Variants in PIBF1 observed in about 807,000 individuals in gnomAD.
PIBF1 encodes progesterone immunomodulatory binding factor 1.
A neutral mutation model predicts 112.5 loss-of-function variants in PIBF1; 90 were observed. The observed-to-expected ratio is 0.80, with a 90% CI of 0.67 to 0.95. The LOEUF (loss-of-function observed/expected upper bound fraction) is 0.95, where lower values mean the gene tolerates loss of function less well. Ranked by LOEUF, PIBF1 falls within the 40% of genes least tolerant of loss-of-function variation. The pLI is 0.00. For synonymous variants in PIBF1, 301 were observed against 288.6 expected (o/e 1.04, Z -0.44); for missense variants, 915 against 852.3 (o/e 1.07, Z -0.92).
At chr13:72,794,734 C>A (rs2035105576) in intron 3 of PIBF1, among the ~76,000 whole-genome samples, 2 of 152,182 alleles carry the variant, frequency 1.3e-5, no homozygotes, top group South Asian at 4.1e-4. Flanking sequence ...CCTCCCCTGC[C>A]ATGTGGAAGT....
chr13:72,976,228 A>C (rs897195285), intron 16 of PIBF1, among the ~76,000 whole-genome samples: 1 of 152,062 alleles, frequency 6.6e-6, no homozygotes, highest in Non-Finnish European at 1.5e-5. Context: ...TCACCTGTGA[A>C]TAGCCACTGC....
intron 13 of PIBF1, among the ~76,000 whole-genome samples, chr13:72,922,558 C>G (rs2041335432): frequency 6.6e-6 from 1 of 152,186 alleles, no homozygotes; most frequent in South Asian, 2.1e-4. Context: ...AATGTGGAGA[C>G]TGTTCTGACG....
chr13:72,818,072 A>C (rs1422169170), intron 5 of PIBF1, among the ~76,000 whole-genome samples: 4 of 151,994 alleles, frequency 2.6e-5, no homozygotes, highest in Non-Finnish European at 5.9e-5. Flanking sequence ...ATATATACAT[A>C]TATATACACT....
rs187712737 is a variant in PIBF1, at chr13:72,988,235, G to T, written c.2050-10587G>T. ...TATCTACTTCTTGGTATTTGAGTGTGAATTAAATTATTATGTAAGATACTC... is the reference window on the plus strand; with the variant it reads ...TATCTACTTCTTGGTATTTGAGTGTTAATTAAATTATTATGTAAGATACTC... On this transcript the variant is annotated intron_variant, in intron 16 of 17. Transcript: ENST00000326291. 1.8e-3 allele frequency among the ~76,000 whole-genome samples: 280 copies of T among 152,118 alleles called. 1 individual carries two copies. Among genetic ancestry groups the T allele is most frequent in the African/African-American group, 6.1e-3 (254 of 41,494 alleles).
intron 13 of PIBF1, among the ~76,000 whole-genome samples, chr13:72,929,967 C>A (rs968576282): frequency 2.6e-5 from 4 of 152,018 alleles, no homozygotes; most frequent in Non-Finnish European, 5.9e-5. Flanking sequence ...TCACGTGATC[C>A]CCCCATCTCA....
At chr13:72,882,183 C>T (rs1054095088) in intron 10 of PIBF1, among the ~76,000 whole-genome samples, 1 of 152,066 alleles carries the variant, frequency 6.6e-6, no homozygotes, top group Non-Finnish European at 1.5e-5. Flanking sequence ...CAACAACATA[C>T]ATTGGGGAAA....
At chr13:72,805,869 T>A (rs962654444) in intron 5 of PIBF1, among the ~76,000 whole-genome samples, 2 of 152,220 alleles carry the variant, frequency 1.3e-5, no homozygotes, top group African/African-American at 4.8e-5. Context: ...GCATGAAGAT[T>A]AGGATCAGTG....
rs567756743 is a variant in PIBF1, at chr13:72,799,804, A to G, written c.672+1778A>G. Among the ~76,000 whole-genome samples the G allele has an allele frequency of 7.2e-5, 11 of 152,278 alleles. No individual in the cohort carries two copies. In the South Asian group the frequency reaches 2.3e-3, roughly 32 times the overall value. ...ATCCCTCAAGGACTTCTTACTGTGT[A>G]GTAGGAGGGCTGGAGGAGCTCCCTA... On this transcript the variant is annotated intron_variant, in intron 5 of 17. Coordinates refer to ENST00000326291, the MANE Select transcript of PIBF1 (RefSeq NM_006346.4).
At chr13:72,881,171 CTG>C (rs1208997917) in intron 10 of PIBF1, 4 of 150,534 alleles carry the variant, frequency 2.7e-5, no homozygotes, top group East Asian at 3.9e-4. Flanking sequence ...CTAATTTTCT[CTG>C]TATCATTCCA....
At chr13:72,868,264 A>G (rs1478636177) in intron 10 of PIBF1, among the ~76,000 whole-genome samples, 1 of 151,532 alleles carries the variant, frequency 6.6e-6, no homozygotes, top group African/African-American at 2.4e-5. Context: ...TGGTGCCACT[A>G]TGCCCCTGCC....
At chr13:72,984,253 A>G (rs2043222033) in intron 16 of PIBF1, among the ~76,000 whole-genome samples, 2 of 152,170 alleles carry the variant, frequency 1.3e-5, no homozygotes, top group South Asian at 2.1e-4. Context: ...ATCTTTTTCT[A>G]TCAAACTCTA....
chr13:72,794,302 A>G (rs941785088), intron 3 of PIBF1, among the ~76,000 whole-genome samples: 1 of 152,178 alleles, frequency 6.6e-6, no homozygotes, highest in African/African-American at 2.4e-5. Context: ...GACAATAATT[A>G]TAGACAACTT....
chr13:72,798,345 GTATT>G (rs1181372994), intron 5 of PIBF1, among the ~76,000 whole-genome samples: 3 of 152,158 alleles, frequency 2.0e-5, no homozygotes, highest in Non-Finnish European at 2.9e-5. Context: ...GCATATGCAT[GTATT>G]TATTTAGTAA....
rs756094417 is a variant in PIBF1 at position 72,827,875 on chromosome 13, A to G, written c.1058A>G (p.Lys353Arg). 3.1e-6 allele frequency: 5 copies of G among 1,592,878 alleles called. No homozygotes were observed. In the South Asian group the frequency reaches 4.6e-5, roughly 15 times the overall value. Residue 353 changes from lysine to arginine, a missense_variant, in exon 8 of 18, where the codon AAG becomes AGG. By Grantham distance (26) the Lys-to-Arg change is conservative. Transcript: ENST00000326291. ...CAAGCTCAACTGGAAGAAAGCAAAA[A>G]GGCTAGAGAAGAGATGTATGAAAAA... is the stretch of plus-strand genomic sequence containing the variant. ...RLQAQLEESK[K>R]AREEMYEKYV... is the part of the protein sequence containing the mutation.
chr13:72,983,854 T>A (rs1230210027), intron 16 of PIBF1, among the ~76,000 whole-genome samples: 2 of 151,640 alleles, frequency 1.3e-5, no homozygotes, highest in Non-Finnish European at 1.5e-5. Context: ...ACAGTCAGCA[T>A]GCTAAAAAAA....
chr13:72,926,897 T>C (rs2041501781), intron 13 of PIBF1, among the ~76,000 whole-genome samples: 2 of 152,218 alleles, frequency 1.3e-5, no homozygotes, highest in African/African-American at 4.8e-5. Flanking sequence ...TCCCAGTAGA[T>C]ATTATGTATT....
chr13:72,990,229 A>G (rs2043429702), intron 16 of PIBF1, among the ~76,000 whole-genome samples: 1 of 150,214 alleles, frequency 6.7e-6, no homozygotes, highest in African/African-American at 2.4e-5. Flanking sequence ...AAAAAAAAAA[A>G]AAAAAAAATG....
rs557491377 is a variant in PIBF1, at chr13:72,996,139, G to A, written c.2050-2683G>A. The stretch of plus-strand genomic sequence containing the variant: ...AAGTAAGAGGTAAACTGGAAAAATT[G>A]CCACTCATATTAAAGACAAAGGGCT... On this transcript the variant is annotated intron_variant, in intron 16 of 17. Coordinates refer to ENST00000326291, the MANE Select transcript of PIBF1 (RefSeq NM_006346.4). Among the ~76,000 whole-genome samples the A allele has an allele frequency of 6.6e-5, 7 of 105,750 alleles. No individual in the cohort carries two copies. In the South Asian group the frequency reaches 1.7e-3, roughly 25 times the overall value. 69.4% of individuals were successfully genotyped at this position (105,750 alleles called of 152,430 possible).
chr13:72,930,923 G>A (rs529741828), intron 13 of PIBF1, among the ~76,000 whole-genome samples: 6 of 152,114 alleles, frequency 3.9e-5, no homozygotes, highest in African/African-American at 9.7e-5. Context: ...GCTAAAAACC[G>A]TTACTGCAGT....
Sources: gnomAD v4.1 joint callset for allele counts (sites outside exome capture counted in the v4.1 genomes callset) on GRCh38, gnomAD v4.1.1 for gene constraint, MANE v1.5 for transcripts, NCBI Gene and HGNC (gene_info 2026-07-23, HGNC 2026-07-21) for gene names.